The following PDS5B variants were observed in gnomAD, a reference collection of about 807,000 sequenced individuals.
PDS5B encodes the protein PDS5 cohesin associated factor B.
Under a neutral mutation model 184.1 loss-of-function variants are expected in PDS5B, and 51 were observed. The ratio of observed to expected loss-of-function variants is 0.28; its 90% CI spans 0.22 to 0.35. The LOEUF (loss-of-function observed/expected upper bound fraction) is 0.35. Among genes scored for constraint, PDS5B ranks in the 10% least tolerant of loss-of-function variants. PDS5B has a pLI of 1.00. For missense variants in PDS5B, 1,180 were observed against 1,723.3 expected (o/e 0.68, Z 5.58); for synonymous variants, 566 against 569.2 (o/e 0.99, Z 0.08).
intron 19 of PDS5B, among the ~76,000 whole-genome samples, chr13:32,726,384 C>T (rs1001160878): frequency 6.6e-6 from 1 of 152,142 alleles, no homozygotes; most frequent in African/African-American, 2.4e-5. Flanking sequence ...TTCAGTATTA[C>T]AGTCTTTCAG....
Position 32,777,065 on chromosome 13 carries a change from G to A in PDS5B, c.*2013G>A, listed in dbSNP as rs1469643347. 6.6e-6 allele frequency: 1 copy of A among 152,006 alleles called. No homozygotes were observed. The highest frequency in any genetic ancestry group is 1.9e-4 in the East Asian group (1 of 5,206). The allele number at this position is 152,006 out of a possible 1,614,324, so 9.4% of individuals were successfully genotyped here. A position where few individuals can be genotyped will look rare whatever the true frequency, so the allele number is the denominator to read the frequency against. ...TTAAAATCTATAACATAAAGAATAA[G>A]GAATAGCTTTGTATTTTTGTCATTG... On this transcript the variant is annotated 3_prime_UTR_variant, in exon 35 of 35. Transcript: ENST00000315596.
chr13:32,712,728 G>T (rs942391422), intron 19 of PDS5B, among the ~76,000 whole-genome samples: 3 of 152,154 alleles, frequency 2.0e-5, no homozygotes, highest in Non-Finnish European at 4.4e-5. Flanking sequence ...CACACTTTAA[G>T]AGAAAGAAAG....
Position 32,770,443 on chromosome 13 carries a change from A to G in PDS5B, c.3947A>G (p.Lys1316Arg), listed in dbSNP as rs1954742507. 1 of 1,613,556 alleles carries G rather than the reference A, an allele frequency of 6.2e-7. No individual in the cohort carries two copies. The highest frequency in any genetic ancestry group is 2.2e-5 in the East Asian group (1 of 44,818). ...ATGAAAACTTCTAAAAAAGGAAGCA[A>G]AAAAAAATCTGGACCTCCAGCACCA... Reference protein sequence around the residue: ...PTMKTSKKGSKKKSGPPAPEE... With the variant: ...PTMKTSKKGSRKKSGPPAPEE... Residue 1316 changes from lysine to arginine, a missense_variant, in exon 32 of 35, where the codon AAA becomes AGA. By Grantham distance (26) the Lys-to-Arg change is conservative. Coordinates refer to ENST00000315596, the MANE Select transcript of PDS5B (RefSeq NM_015032.4).
In PDS5B at chr13:32,738,879, C is replaced by T. The variant is rs559722026; in HGVS notation, c.2407-2201C>T. On this transcript the variant is annotated intron_variant, in intron 21 of 34. Coordinates refer to ENST00000315596, the MANE Select transcript of PDS5B (RefSeq NM_015032.4). ...TAGAGATGGGGTTTCACCATGTTGG[C>T]CAGGCTGGTCTCCAACTCCTGAACT... Among the ~76,000 whole-genome samples, 24 of 152,200 alleles carry T rather than the reference C, an allele frequency of 1.6e-4. No homozygotes were observed. In the East Asian group the frequency reaches 4.6e-3, roughly 29 times the overall value.
chr13:32,765,106 TAGAC>T (rs59989255), intron 31 of PDS5B, among the ~76,000 whole-genome samples: 2,338 of 152,306 alleles, frequency 0.015, 60 homozygotes, highest in African/African-American at 0.054. Flanking sequence ...ACTTGTATGA[TAGAC>T]AGTTTGTGTT....
chr13:32,773,936 T>A (rs1448535650), intron 34 of PDS5B, among the ~76,000 whole-genome samples: 1 of 151,998 alleles, frequency 6.6e-6, no homozygotes, highest in Non-Finnish European at 1.5e-5. Context: ...CCCAAGTAGC[T>A]GAGATTACAG....
At chr13:32,715,595 C>T (rs1952356702) in intron 19 of PDS5B, among the ~76,000 whole-genome samples, 1 of 151,988 alleles carries the variant, frequency 6.6e-6, no homozygotes, top group African/African-American at 2.4e-5. Flanking sequence ...AAAATTGAAA[C>T]ATTATTCGCT....
chr13:32,619,356 C>G (rs1425757350), intron 1 of PDS5B, among the ~76,000 whole-genome samples: 1 of 152,100 alleles, frequency 6.6e-6, no homozygotes, highest in Non-Finnish European at 1.5e-5. Context: ...TCCTAGGCCA[C>G]AAATCTGTAC....
intron 19 of PDS5B, among the ~76,000 whole-genome samples, chr13:32,715,830 C>T (rs1209703055): frequency 6.6e-5 from 10 of 152,204 alleles, no homozygotes; most frequent in South Asian, 2.1e-4. Context: ...GACTGGTTTT[C>T]GTATTTTTTT....
At chr13:32,598,571 A>G (rs544469087) in intron 1 of PDS5B, among the ~76,000 whole-genome samples, 2 of 152,082 alleles carry the variant, frequency 1.3e-5, no homozygotes, top group African/African-American at 4.8e-5. Context: ...CCTGGGCTCA[A>G]GCAGTCCTCC....
chr13:32,749,830 TG>T (rs746449602), intron 24 of PDS5B, among the ~76,000 whole-genome samples: 1 of 151,344 alleles, frequency 6.6e-6, no homozygotes, highest in African/African-American at 2.4e-5. Context: ...GAACTTTATC[TG>T]GGGGGGCGGG....
At chr13:32,743,698 A>T (rs1953645386) in intron 23 of PDS5B, among the ~76,000 whole-genome samples, 1 of 152,116 alleles carries the variant, frequency 6.6e-6, no homozygotes, top group Admixed American at 6.5e-5. Context: ...TTTGCATAGA[A>T]TGTTAACAGA....
At chr13:32,637,725 G>A (rs769376047) in intron 1 of PDS5B, among the ~76,000 whole-genome samples, 8 of 152,150 alleles carry the variant, frequency 5.3e-5, no homozygotes, top group Non-Finnish European at 8.8e-5. Context: ...AAAAGGCAAT[G>A]TGTTACTAGA....
At chr13:32,617,141 T>A (rs1373005022) in intron 1 of PDS5B, among the ~76,000 whole-genome samples, 1 of 152,164 alleles carries the variant, frequency 6.6e-6, no homozygotes, top group African/African-American at 2.4e-5. Flanking sequence ...TCAGACCACC[T>A]CTGAATAAAT....
At chr13:32,750,044 C>T (rs1033934140) in intron 24 of PDS5B, among the ~76,000 whole-genome samples, 8 of 152,088 alleles carry the variant, frequency 5.3e-5, no homozygotes, top group Non-Finnish European at 1.0e-4. Context: ...TTCCCAGTAG[C>T]GCTTTTTATA....
chr13:32,656,595 CTT>C (rs561702930), intron 3 of PDS5B, among the ~76,000 whole-genome samples: 22 of 128,214 alleles, frequency 1.7e-4, no homozygotes, highest in African/African-American at 2.4e-4. Flanking sequence ...CTTTTTGTGG[CTT>C]TTTTTTTTTT....
intron 19 of PDS5B, among the ~76,000 whole-genome samples, chr13:32,711,011 G>T (rs1335787594): frequency 2.7e-5 from 4 of 149,712 alleles, no homozygotes; most frequent in African/African-American, 7.4e-5. Flanking sequence ...TTTTTTTTGA[G>T]ATGGAGCCTC....
chr13:32,732,121 A>T lies in PDS5B; in HGVS notation c.2144A>T (p.His715Leu), dbSNP rs762588126. 2.5e-6 allele frequency: 4 copies of T among 1,610,036 alleles called. No homozygotes were observed. The stretch of plus-strand genomic sequence containing the variant: ...AATAGAGCCTTGCTTCCTGTTTTAC[A>T]TCACAAATCTAAAAAAGGACCCCCC... ...HIRSALLPVL[H>L]HKSKKGPPRQ... Residue 715 changes from histidine to leucine, a missense_variant, in exon 20 of 35, where the codon CAT becomes CTT. This residue lies in a region of PDS5B where 475 missense variants were observed against 691.5 expected (regional missense o/e 0.69). Coordinates refer to ENST00000315596, the MANE Select transcript of PDS5B (RefSeq NM_015032.4).
At chr13:32,587,093 C>T (rs1397100216) in intron 1 of PDS5B, among the ~76,000 whole-genome samples, 6 of 148,110 alleles carry the variant, frequency 4.1e-5, no homozygotes, top group Non-Finnish European at 7.5e-5. Flanking sequence ...CCTGTTGAAT[C>T]CTCCCGCGGG....
Sources: gnomAD v4.1 joint callset for allele counts (sites outside exome capture counted in the v4.1 genomes callset) on GRCh38, gnomAD v4.1.1 for gene constraint, gnomAD v4.1.1 regional missense constraint, MANE v1.5 for transcripts, NCBI Gene and HGNC (gene_info 2026-07-23, HGNC 2026-07-21) for gene names.